CHRNB3: variants seen among roughly 807,000 people sequenced by gnomAD.
The protein encoded by CHRNB3 is neuronal acetylcholine receptor subunit beta-3.
CHRNB3 carries 37 observed loss-of-function variants against 40.6 expected under a neutral mutation model. The ratio of observed to expected loss-of-function variants is 0.91; its 90% CI spans 0.70 to 1.20. CHRNB3 has a LOEUF of 1.20. CHRNB3 is among the 50% of genes most tolerant of loss of function. The probability of loss-of-function intolerance (pLI) is 0.00; values close to 1 mark genes in which losing one functional copy is unlikely to be tolerated. For synonymous variants in CHRNB3, 207 were observed against 207.1 expected (o/e 1.00, Z 0.00); for missense variants, 505 against 551.2 (o/e 0.92, Z 0.84).
intron 5 of CHRNB3, among the ~76,000 whole-genome samples, chr8:42,733,114 G>C (rs1816457783): frequency 6.6e-6 from 1 of 151,852 alleles, no homozygotes; most frequent in African/African-American, 2.4e-5. Flanking sequence ...TGTATCACTT[G>C]AGTGCAGGAG....
At chr8:42,709,040 G>A (rs1815967526) in intron 2 of CHRNB3, among the ~76,000 whole-genome samples, 172 bp downstream of exon 2, 1 of 152,158 alleles carries the variant, frequency 6.6e-6, no homozygotes, top group Admixed American at 6.5e-5. Flanking sequence ...AGAACGAGAA[G>A]TTGTCACAGG....
At chr8:42,722,050 T>G (rs1286985508) in intron 3 of CHRNB3, 2 of 152,058 alleles carry the variant, frequency 1.3e-5, no homozygotes, top group Non-Finnish European at 2.9e-5. Context: ...CCTTTTTATC[T>G]CCTAATCTGA....
intron 1 of CHRNB3, among the ~76,000 whole-genome samples, chr8:42,708,293 C>T (rs1490245248): frequency 1.3e-5 from 2 of 152,150 alleles, no homozygotes; most frequent in Non-Finnish European, 2.9e-5. Flanking sequence ...GAGGAAACCC[C>T]TTCTCTACTA....
intron 5 of CHRNB3, 50 bp downstream of exon 5, chr8:42,732,599 A>G: frequency 6.7e-7 from 1 of 1,483,200 alleles, no homozygotes; most frequent in Non-Finnish European, 9.0e-7. Context: ...TAGGCCAAAG[A>G]CAAATATTTT....
chr8:42,715,266 G>A (rs1179616275), intron 3 of CHRNB3, among the ~76,000 whole-genome samples: 1 of 152,154 alleles, frequency 6.6e-6, no homozygotes, highest in Non-Finnish European at 1.5e-5. Flanking sequence ...GCTCCCAGGA[G>A]GAGGGGATAT....
chr8:42,710,661 C>T (rs1250697670), intron 3 of CHRNB3, among the ~76,000 whole-genome samples: 1 of 152,186 alleles, frequency 6.6e-6, no homozygotes, highest in Non-Finnish European at 1.5e-5. Context: ...AGTAGAGCTG[C>T]TCGTGGAGCA....
intron 2 of CHRNB3, among the ~76,000 whole-genome samples, chr8:42,709,383 T>A (rs971927596): frequency 6.6e-6 from 1 of 152,206 alleles, no homozygotes. Flanking sequence ...TGAGCTTGCC[T>A]TTCTGTCATG....
intron 3 of CHRNB3, among the ~76,000 whole-genome samples, chr8:42,728,095 G>A (rs1049594449): frequency 6.6e-6 from 1 of 152,086 alleles, no homozygotes; most frequent in African/African-American, 2.4e-5. Flanking sequence ...TATTCAGAAT[G>A]TATAAAGAAC....
In CHRNB3 at chr8:42,730,610, A is replaced by G. The variant is rs758424582; in HGVS notation, c.266A>G (p.Lys89Arg). The G allele has an allele frequency of 2.5e-5, 40 of 1,603,746 alleles. No homozygotes were observed. The highest frequency in any genetic ancestry group is 3.2e-5 in the Non-Finnish European group (38 of 1,173,942). Reference sequence around the variant, plus strand: ...TTCATGCAGGAATGGACAGACCACAAGTTACGCTGGAATCCTGATGATTAT... The same window carrying G: ...TTCATGCAGGAATGGACAGACCACAGGTTACGCTGGAATCCTGATGATTAT... ...VWLKQEWTDH[K>R]LRWNPDDYGG... The change falls in exon 4 of 6, where the codon AAG becomes AGG. Residue 89 changes from lysine to arginine, a missense_variant. Physicochemically the swap from Lys to Arg is conservative, Grantham distance 26 (BLOSUM62 2). Transcript: ENST00000289957.
intron 3 of CHRNB3, among the ~76,000 whole-genome samples, chr8:42,724,593 C>T (rs62518218): frequency 1.3e-5 from 2 of 152,040 alleles, no homozygotes; most frequent in Admixed American, 1.3e-4. Context: ...TCATTTACCA[C>T]CATTAAACTC....
At chr8:42,726,021 T>G in intron 3 of CHRNB3, 1 of 1,035,874 alleles carries the variant, frequency 9.7e-7, no homozygotes, top group Non-Finnish European at 1.5e-6. Flanking sequence ...TCTAGTCGTC[T>G]GAGACGTACC....
chr8:42,723,306 G>A (rs939205464), intron 3 of CHRNB3, among the ~76,000 whole-genome samples: 4 of 151,960 alleles, frequency 2.6e-5, no homozygotes, highest in African/African-American at 7.3e-5. Flanking sequence ...TGCTATTAAG[G>A]CCAAACAGTT....
At chr8:42,715,931 G>C (rs1816091549) in intron 3 of CHRNB3, among the ~76,000 whole-genome samples, 1 of 151,360 alleles carries the variant, frequency 6.6e-6, no homozygotes, top group Non-Finnish European at 1.5e-5. Flanking sequence ...ATCAAGGTTA[G>C]GAAAACGTGG....
At chr8:42,712,054 G>T (rs776158920) in intron 3 of CHRNB3, among the ~76,000 whole-genome samples, 1 of 151,680 alleles carries the variant, frequency 6.6e-6, no homozygotes, top group African/African-American at 2.4e-5. Context: ...GTGCAATGGC[G>T]CAATCTCGGC....
At chr8:42,730,319 T>C (rs541367437) in intron 3 of CHRNB3, among the ~76,000 whole-genome samples, 1 of 152,144 alleles carries the variant, frequency 6.6e-6, no homozygotes, top group Non-Finnish European at 1.5e-5. Context: ...CATGAATTAG[T>C]GGCGTTTGTT....
In CHRNB3 at chr8:42,710,425, G is replaced by A. The variant is rs1815995423; in HGVS notation, c.240G>A (p.Trp80Ter). 6.2e-7 allele frequency: 1 copy of A among 1,609,498 alleles called. No homozygotes were observed. The highest frequency in any genetic ancestry group is 8.5e-7 in the Non-Finnish European group (1 of 1,177,936). ...ATCAGCTGATGACAACCAATGTGTGGCTCAAACAGGTAAATTTCAATCCAA... is the reference window on the plus strand; with the variant it reads ...ATCAGCTGATGACAACCAATGTGTGACTCAAACAGGTAAATTTCAATCCAA... The part of the protein sequence containing the change: ...EKNQLMTTNV[W>*]LKQEWTDHKL... Residue 80 changes from tryptophan to a stop codon, truncating the protein, a stop_gained, in exon 3 of 6, where the codon TGG (tryptophan) becomes TGA (stop). Transcript: ENST00000289957. LOFTEE classifies it high-confidence loss of function.
At chr8:42,713,772 C>T (rs1314972747) in intron 3 of CHRNB3, among the ~76,000 whole-genome samples, 1 of 152,150 alleles carries the variant, frequency 6.6e-6, no homozygotes, top group Non-Finnish European at 1.5e-5. Flanking sequence ...CTCATTTAAA[C>T]CTCTCTACCA....
intron 1 of CHRNB3, among the ~76,000 whole-genome samples, chr8:42,698,964 T>C (rs2128903747): frequency 6.6e-6 from 1 of 152,328 alleles, no homozygotes; most frequent in South Asian, 2.1e-4. Flanking sequence ...CTCCATTGTG[T>C]GGGCTGGAAG....
At chr8:42,699,753 G>T (rs1231883987) in intron 1 of CHRNB3, among the ~76,000 whole-genome samples, 1 of 152,034 alleles carries the variant, frequency 6.6e-6, no homozygotes, top group Admixed American at 6.6e-5. Context: ...CAACAAGAGC[G>T]AAACTCGGTC....
Sources: allele counts gnomAD v4.1 joint callset (sites outside exome capture counted in the v4.1 genomes callset), GRCh38; gene constraint gnomAD v4.1.1; transcripts MANE v1.5; gene names NCBI Gene and HGNC (gene_info 2026-07-23, HGNC 2026-07-21).